NIPAL3: variants seen among roughly 807,000 people sequenced by gnomAD.
NIPAL3 encodes the protein NIPA-like protein 3.
Under a neutral mutation model 47.2 loss-of-function variants are expected in NIPAL3, and 41 were observed. The observed-to-expected ratio is 0.87, with a 90% CI of 0.68 to 1.13. NIPAL3 has a LOEUF of 1.13. Among genes scored for constraint, NIPAL3 ranks in the 50% most tolerant of loss-of-function variants. NIPAL3 has a pLI of 0.00. For synonymous variants in NIPAL3, 194 were observed against 209.6 expected (o/e 0.93, Z 0.64); for missense variants, 449 against 530.1 (o/e 0.85, Z 1.50).
intron 2 of NIPAL3, among the ~76,000 whole-genome samples, chr1:24,432,901 T>A (rs891083849): frequency 3.9e-5 from 6 of 152,212 alleles, no homozygotes; most frequent in Admixed American, 2.6e-4. Flanking sequence ...CCCGATCACC[T>A]CCCACTGGCA....
chr1:24,440,284 A>G, intron 3 of NIPAL3, 44 bp downstream of exon 3: 1 of 1,471,226 alleles, frequency 6.8e-7, no homozygotes, highest in Non-Finnish European at 9.1e-7. Context: ...GAGACACAGC[A>G]GACAAGTCAG....
chr1:24,435,955 C>T (rs555172452), intron 2 of NIPAL3, among the ~76,000 whole-genome samples: 1 of 152,242 alleles, frequency 6.6e-6, no homozygotes, highest in South Asian at 2.1e-4. Context: ...CTGGTGAGGG[C>T]GCGCCACCTC....
intron 2 of NIPAL3, among the ~76,000 whole-genome samples, chr1:24,435,612 C>G (rs1176505403): frequency 1.3e-5 from 2 of 152,198 alleles, no homozygotes; most frequent in African/African-American, 4.8e-5. Flanking sequence ...ACCCATGATG[C>G]TATTGTCACA....
Position 24,416,431 on chromosome 1 carries a change from C to G in NIPAL3, c.-258+527C>G. Reference sequence around the variant, plus strand: ...CAGATCGTCGGGTGGTGGGAAAGAGCGTGTTTTATTGATTTGTTCAGAAAG... The same window carrying G: ...CAGATCGTCGGGTGGTGGGAAAGAGGGTGTTTTATTGATTTGTTCAGAAAG... On this transcript the variant is annotated intron_variant, in intron 1 of 11. Coordinates refer to ENST00000374399, the MANE Select transcript of NIPAL3 (RefSeq NM_020448.5). The surrounding 1 kb of genome is among the most constrained non-coding windows in gnomAD (Gnocchi z 4.8). 2.8e-6 allele frequency: 2 copies of G among 711,412 alleles called. No individual in the cohort carries two copies. The highest frequency in any genetic ancestry group is 3.5e-6 in the Non-Finnish European group (2 of 579,560). The allele number at this position is 711,412 out of a possible 1,614,324, so 44.1% of individuals were successfully genotyped here.
chr1:24,424,834 G>A (rs1644501564), intron 2 of NIPAL3, among the ~76,000 whole-genome samples: 2 of 152,126 alleles, frequency 1.3e-5, no homozygotes, highest in Non-Finnish European at 2.9e-5. Context: ...TACCATTATG[G>A]GCAGGTCTCA....
chr1:24,464,399 G>C (rs1646612092), intron 11 of NIPAL3: 3 of 225,060 alleles, frequency 1.3e-5, no homozygotes, highest in Non-Finnish European at 2.6e-5. Context: ...GCAGCCCCAG[G>C]CTTCATGCCT....
rs112615347 is a variant in NIPAL3 at position 24,456,166 on chromosome 1, C to T, written c.666C>T (p.Ala222=). 1.9e-4 allele frequency: 303 copies of T among 1,614,150 alleles called. No individual in the cohort carries two copies. The African/African-American group carries it at 3.5e-3, about 19-fold the overall frequency. The part of the protein sequence containing the change: ...LGSMTVVTVK[A]VAGMLVLSIQ... The stretch of plus-strand genomic sequence containing the variant: ...CCATGACAGTGGTGACAGTCAAGGC[C>T]GTGGCTGGGATGCTTGTCTTGTCCA... The change falls in exon 8 of 12, where the codon GCC becomes GCT. Residue 222 remains alanine, a synonymous_variant. Coordinates refer to ENST00000374399, the MANE Select transcript of NIPAL3 (RefSeq NM_020448.5).
Position 24,449,487 on chromosome 1 carries a change from A to G in NIPAL3, c.401A>G (p.Tyr134Cys). ...KWKPKDFLRR[Y>C]VLSFVGCGLA... ...CAGCCTCTCTTCCCCGCAGGGCGCTACGTCTTGTCCTTTGTTGGCTGCGGT... is the reference window on the plus strand; with the variant it reads ...CAGCCTCTCTTCCCCGCAGGGCGCTGCGTCTTGTCCTTTGTTGGCTGCGGT... The change falls in exon 6 of 12, where the codon TAC (tyrosine) becomes TGC (cysteine). Residue 134 changes from tyrosine (Y) to cysteine (C), a missense_variant. Tyr to Cys is a radical substitution (Grantham distance 194, BLOSUM62 -2). Coordinates refer to ENST00000374399, the MANE Select transcript of NIPAL3 (RefSeq NM_020448.5). This position sits in a 1 kb window ranked among gnomAD's most constrained non-coding sequence, Gnocchi z 4.5. The G allele has an allele frequency of 6.2e-7, 1 of 1,613,316 alleles. No individual in the cohort carries two copies. Among genetic ancestry groups the G allele is most frequent in the Non-Finnish European group, 8.5e-7 (1 of 1,180,020 alleles).
chr1:24,426,105 A>G (rs966956804), intron 2 of NIPAL3, among the ~76,000 whole-genome samples: 1 of 152,202 alleles, frequency 6.6e-6, no homozygotes, highest in Non-Finnish European at 1.5e-5. Flanking sequence ...AGAGAGGTTA[A>G]TTAACTTGCC....
At chr1:24,446,129 TAAAC>T (rs1490022138) in intron 5 of NIPAL3, among the ~76,000 whole-genome samples, 2 of 150,024 alleles carry the variant, frequency 1.3e-5, no homozygotes, top group Non-Finnish European at 3.0e-5. Context: ...AGAGATACAA[TAAAC>T]AAGCAACTAA....
intron 8 of NIPAL3, chr1:24,457,721 G>A (rs1413985852): frequency 3.8e-6 from 2 of 532,552 alleles, no homozygotes; most frequent in African/African-American, 3.8e-5. Flanking sequence ...CTGCTCTTCT[G>A]TCGCCTACTC....
chr1:24,414,475 C>T (rs1643920544), upstream of NIPAL3: 2 of 151,824 alleles, frequency 1.3e-5, no homozygotes, highest in African/African-American at 2.4e-5. Flanking sequence ...GACCTTGTCA[C>T]TCCCCTGCTT....
In NIPAL3 at chr1:24,419,567, C is replaced by T. The variant is rs1401176349; in HGVS notation, c.20C>T (p.Ala7Val). 6.2e-7 allele frequency: 1 copy of T among 1,613,964 alleles called. No individual in the cohort carries two copies. Among genetic ancestry groups the T allele is most frequent in the Admixed American group, 1.7e-5 (1 of 60,018 alleles). MDGSHS[A>V]ALKLQQLPPT... ...ACCACCATGGACGGATCCCACAGCGCAGCCCTGAAGCTGCAGCAGCTGCCT... is the reference window on the plus strand; with the variant it reads ...ACCACCATGGACGGATCCCACAGCGTAGCCCTGAAGCTGCAGCAGCTGCCT... The change falls in exon 2 of 12, where the codon GCA becomes GTA. Residue 7 changes from alanine to valine, a missense_variant. Coordinates refer to ENST00000374399, the MANE Select transcript of NIPAL3 (RefSeq NM_020448.5).
Position 24,472,037 on chromosome 1 carries a change from T to C in NIPAL3, c.*2852T>C, listed in dbSNP as rs1646924543. On this transcript the variant is annotated 3_prime_UTR_variant, in exon 12 of 12. Coordinates refer to ENST00000374399, the MANE Select transcript of NIPAL3 (RefSeq NM_020448.5). ...TTTTTTTTTTTTTTTGGTATGGGCC[T>C]TTTAGGCTTGGGCCAGCCAGCTTTC... The C allele has an allele frequency of 6.6e-6, 1 of 150,796 alleles. No individual in the cohort carries two copies. Among genetic ancestry groups the C allele is most frequent in the Non-Finnish European group, 1.5e-5 (1 of 67,742 alleles). The allele number at this position is 150,796 out of a possible 1,614,324, so 9.3% of individuals were successfully genotyped here. A position where few individuals can be genotyped will look rare whatever the true frequency, so the allele number is the denominator to read the frequency against.
chr1:24,459,978 G>A (rs1646395361), intron 9 of NIPAL3, among the ~76,000 whole-genome samples: 1 of 152,216 alleles, frequency 6.6e-6, no homozygotes, highest in African/African-American at 2.4e-5. Context: ...TACCACAGGA[G>A]TAGACCCACA....
chr1:24,464,207 G>T, intron 11 of NIPAL3, 87 bp downstream of exon 11: 1 of 972,004 alleles, frequency 1.0e-6, no homozygotes, highest in Middle Eastern at 2.2e-4. Flanking sequence ...CAACTGCTGT[G>T]CTGTGCCTTT....
At chr1:24,460,433 G>A (rs756254179) in intron 9 of NIPAL3, 48 bp from the exon 10 acceptor site, 1 of 1,486,100 alleles carries the variant, frequency 6.7e-7, no homozygotes, top group Non-Finnish European at 9.2e-7. Flanking sequence ...TGGCAGATGG[G>A]TGATTTGAAA....
intron 2 of NIPAL3, among the ~76,000 whole-genome samples, chr1:24,432,314 A>T (rs866656373): frequency 7.2e-5 from 11 of 152,140 alleles, no homozygotes; most frequent in African/African-American, 2.7e-4. Context: ...TCTAGTAGAG[A>T]CAGGGTTTCT....
rs1644019095 is a variant in NIPAL3 at position 24,416,187 on chromosome 1, C to T, written c.-258+283C>T. 5.1e-6 allele frequency: 5 copies of T among 985,530 alleles called. No individual in the cohort carries two copies. Among genetic ancestry groups the T allele is most frequent in the Non-Finnish European group, 6.0e-6 (5 of 830,174 alleles). 61.0% of individuals were successfully genotyped at this position (985,530 alleles called of 1,614,324 possible). On this transcript the variant is annotated intron_variant, in intron 1 of 11. Coordinates refer to ENST00000374399, the MANE Select transcript of NIPAL3 (RefSeq NM_020448.5). This position sits in a 1 kb window ranked among gnomAD's most constrained non-coding sequence, Gnocchi z 4.8. ...TTGCCAGAATTTCTCCTCTTCGTGC[C>T]GAGCGGCTCGGGCTTCCTGGCGGCA... is the stretch of plus-strand genomic sequence containing the variant.
Sources: gnomAD v4.1 joint callset for allele counts (sites outside exome capture counted in the v4.1 genomes callset) on GRCh38, gnomAD v4.1.1 for gene constraint, Gnocchi (gnomAD v3.1) non-coding constraint, MANE v1.5 for transcripts, NCBI Gene and HGNC (gene_info 2026-07-23, HGNC 2026-07-21) for gene names.